Variants in SETD1A observed in about 807,000 individuals in gnomAD.
SETD1A encodes histone-lysine N-methyltransferase SETD1A.
SETD1A carries 29 observed loss-of-function variants against 149.9 expected under a neutral mutation model. The ratio of observed to expected loss-of-function variants is 0.19; its 90% CI spans 0.14 to 0.26. The LOEUF is 0.26. SETD1A is among the 10% of genes least tolerant of loss of function. The pLI, the probability that SETD1A is intolerant of heterozygous loss-of-function variation, is 1.00. For synonymous variants in SETD1A, 1,141 were observed against 968.5 expected, an observed-to-expected ratio of 1.18 and a Z score of -3.31; for missense variants, 2,109 against 2,353.1, an observed-to-expected ratio of 0.90 and a Z score of 2.15.
intron 9 of SETD1A, 46 bp downstream of exon 9, chr16:30,967,106 G>C: frequency 6.9e-7 from 1 of 1,450,570 alleles, no homozygotes. Flanking sequence ...GAGAGGGAGA[G>C]GGGGCCCCCT....
In SETD1A at chr16:30,964,143, G is replaced by A; in HGVS notation, c.689G>A (p.Gly230Asp). The A allele has an allele frequency of 6.2e-7, 1 of 1,614,046 alleles. No individual in the cohort carries two copies. Among genetic ancestry groups the A allele is most frequent in the Admixed American group, 1.7e-5 (1 of 60,024 alleles). ...TCTGACACAGCTGCCTACCCAGCAG[G>A]CACCACTGCGGTGGGCACTCCTGGC... ...SSSDTAAYPA[G>D]TTAVGTPGNG... The change falls in exon 6 of 19, where the codon GGC (glycine) becomes GAC (aspartate). Residue 230 changes from glycine to aspartate, a missense_variant. This residue lies in a region of SETD1A where 410 missense variants were observed against 394.8 expected (regional missense o/e 1.04). Coordinates refer to ENST00000262519, the MANE Select transcript of SETD1A (RefSeq NM_014712.3).
rs1344149710 is a variant in SETD1A, at chr16:30,969,601, GGAT to G, written c.2931_2933del (p.Asp977del). 1.2e-6 allele frequency: 2 copies of G among 1,613,966 alleles called. No homozygotes were observed. The highest frequency in any genetic ancestry group is 1.7e-5 in the Admixed American group (1 of 60,020). ...AGTCCTCATTTGTCTTTTTTCTTAA[GGAT>G]GAGGAGGATGACGAGGAAGATGAGG... On this transcript the variant is annotated inframe_deletion and splice_region_variant, in exon 12 of 19. Transcript: ENST00000262519.
At chr16:30,970,916 A>C (rs1272051416) in intron 12 of SETD1A, among the ~76,000 whole-genome samples, 1 of 152,198 alleles carries the variant, frequency 6.6e-6, no homozygotes, top group African/African-American at 2.4e-5. Flanking sequence ...GAGCAGTCTC[A>C]GAATATAGAG....
At chr16:30,962,373 A>G (rs1391446011) in intron 4 of SETD1A, among the ~76,000 whole-genome samples, 1 of 152,048 alleles carries the variant, frequency 6.6e-6, no homozygotes. Flanking sequence ...CCTCTTTTTA[A>G]TCTTTCTATA....
At chr16:30,967,137 A>G in intron 9 of SETD1A, 77 bp downstream of exon 9, 1 of 1,078,240 alleles carries the variant, frequency 9.3e-7, no homozygotes, top group South Asian at 1.6e-5. Flanking sequence ...AGGGGTGGTC[A>G]GGAACCATGA....
intron 8 of SETD1A, 37 bp from the exon 9 acceptor site, chr16:30,966,847 T>A: frequency 6.6e-7 from 1 of 1,515,530 alleles, no homozygotes; most frequent in Non-Finnish European, 8.9e-7. Flanking sequence ...ATGCCTGGGT[T>A]CTGGGCGCTG....
chr16:30,984,341 G>A lies in SETD1A; in HGVS notation c.*318G>A, dbSNP rs2056425847. 5.9e-6 allele frequency: 2 copies of A among 337,542 alleles called. No individual in the cohort carries two copies. Among genetic ancestry groups the A allele is most frequent in the Non-Finnish European group, 1.1e-5 (2 of 182,436 alleles). 20.9% of individuals were successfully genotyped at this position (337,542 alleles called of 1,614,324 possible). Reference sequence around the variant, plus strand: ...AGATTCTGTCCTGGGGGGCTACACAGTCCTCTTGCTTTGTGTTAATGGGGA... The same window carrying A: ...AGATTCTGTCCTGGGGGGCTACACAATCCTCTTGCTTTGTGTTAATGGGGA... On this transcript the variant is annotated 3_prime_UTR_variant, in exon 19 of 19. Coordinates refer to ENST00000262519, the MANE Select transcript of SETD1A (RefSeq NM_014712.3).
chr16:30,961,249 C>T lies in SETD1A; in HGVS notation c.247-18C>T, dbSNP rs2056048349. The T allele has an allele frequency of 1.2e-6, 2 of 1,613,764 alleles. No individual in the cohort carries two copies. Among genetic ancestry groups the T allele is most frequent in the African/African-American group, 2.7e-5 (2 of 75,018 alleles). On this transcript the variant is annotated intron_variant, in intron 3 of 18. Transcript: ENST00000262519. This position sits in a 1 kb window ranked among gnomAD's most constrained non-coding sequence, Gnocchi z 4.0. ...GGTCAGTGTTGAGACCCCATACCAA[C>T]TCCTGTTCTTTCCCCAGCTGGACGA...
At position 30,965,355 on chromosome 16, in the gene SETD1A, C is replaced by G; in HGVS notation, c.1613C>G (p.Pro538Arg). Residue 538 changes from proline (P) to arginine (R), a missense_variant, in exon 7 of 19, where the codon CCC becomes CGC. Transcript: ENST00000262519. Reference protein sequence around the residue: ...SEVPSGSGHGPCTPPPAPANF... With the variant: ...SEVPSGSGHGRCTPPPAPANF... ...GTGCCTTCTGGGTCAGGGCATGGGC[C>G]CTGCACACCCCCTCCGGCCCCAGCT... is the stretch of plus-strand genomic sequence containing the variant. 1 of 1,613,090 alleles carries G rather than the reference C, an allele frequency of 6.2e-7. No homozygotes were observed. Among genetic ancestry groups the G allele is most frequent in the Non-Finnish European group, 8.5e-7 (1 of 1,179,182 alleles).
At chr16:30,959,603 T>C (rs2056019538) in intron 3 of SETD1A, among the ~76,000 whole-genome samples, 1 of 152,192 alleles carries the variant, frequency 6.6e-6, no homozygotes, top group Non-Finnish European at 1.5e-5. Context: ...TCTTGTTTCC[T>C]TCGAGGACTC....
In SETD1A at chr16:30,979,775, C is replaced by T. The variant is rs1367695849; in HGVS notation, c.3989C>T (p.Ser1330Phe). ...PVPAPAALFS[S>F]PADEVLEAPE... ...CCCGCACCCGCCGCCCTCTTCAGTT[C>T]CCCAGCTGATGAGGTCCTGGAGGCC... The change falls in exon 14 of 19, where the codon TCC becomes TTC. Residue 1330 changes from serine (S) to phenylalanine (F), a missense_variant. Physicochemically the swap from Ser to Phe is radical, Grantham distance 155 (BLOSUM62 -2). This residue lies in a region of SETD1A where 832 missense variants were observed against 815.6 expected (regional missense o/e 1.02). Coordinates refer to ENST00000262519, the MANE Select transcript of SETD1A (RefSeq NM_014712.3). The T allele has an allele frequency of 6.3e-7, 1 of 1,591,796 alleles. No homozygotes were observed. Among genetic ancestry groups the T allele is most frequent in the Non-Finnish European group, 8.5e-7 (1 of 1,175,922 alleles).
Position 30,964,997 on chromosome 16 carries a change from C to A in SETD1A, c.1255C>A (p.Arg419=), listed in dbSNP as rs745635666. 1 of 1,613,824 alleles carries A rather than the reference C, an allele frequency of 6.2e-7. No homozygotes were observed. The highest frequency in any genetic ancestry group is 1.3e-5 in the African/African-American group (1 of 75,042). Residue 419 remains arginine, a synonymous_variant, in exon 7 of 19, where the codon CGG becomes AGG. Coordinates refer to ENST00000262519, the MANE Select transcript of SETD1A (RefSeq NM_014712.3). ...YTSYLPPEPS[R]PTDQDYRPPA... ...CTCCTACCTGCCCCCCGAGCCCAGC[C>A]GGCCCACCGACCAGGACTACCGGCC...
At chr16:30,967,307 C>G (rs1452076900) in intron 9 of SETD1A, among the ~76,000 whole-genome samples, 194 bp from the exon 10 acceptor site, 1 of 152,176 alleles carries the variant, frequency 6.6e-6, no homozygotes, top group Non-Finnish European at 1.5e-5. Context: ...GCACCCGCCA[C>G]CACGCCTGGC....
chr16:30,983,817 G>A lies in SETD1A; in HGVS notation c.4951-33G>A, dbSNP rs1278686613. 5.6e-6 allele frequency: 9 copies of A among 1,611,318 alleles called. No homozygotes were observed. The South Asian group carries it at 8.8e-5, about 16-fold the overall frequency. ...GGGCAGGAGTTGGGGGTCGGTGGGGGTGGCCACGGCTCACACGCCCTTCCA... is the reference window on the plus strand; with the variant it reads ...GGGCAGGAGTTGGGGGTCGGTGGGGATGGCCACGGCTCACACGCCCTTCCA... On this transcript the variant is annotated intron_variant, in intron 18 of 18. Transcript: ENST00000262519. This position sits in a 1 kb window ranked among gnomAD's most constrained non-coding sequence, Gnocchi z 6.8.
At chr16:30,968,598 C>T (rs950586088) in intron 10 of SETD1A, among the ~76,000 whole-genome samples, 2 of 151,686 alleles carry the variant, frequency 1.3e-5, no homozygotes, top group African/African-American at 2.4e-5. Flanking sequence ...GTCAAGAGAT[C>T]GAGACCATCC....
chr16:30,969,237 C>T (rs1442507796), intron 10 of SETD1A, 68 bp from the exon 11 acceptor site: 4 of 1,467,162 alleles, frequency 2.7e-6, no homozygotes, highest in Admixed American at 2.1e-5. Context: ...ATATGTAAAG[C>T]CCCTTGCACA....
intron 3 of SETD1A, among the ~76,000 whole-genome samples, chr16:30,960,106 A>G (rs1300685268): frequency 2.0e-5 from 3 of 151,270 alleles, no homozygotes; most frequent in Non-Finnish European, 1.5e-5. Flanking sequence ...TCATCTTTCT[A>G]TTCTCATTGC....
intron 12 of SETD1A, among the ~76,000 whole-genome samples, chr16:30,970,562 G>A (rs1596682342): frequency 1.3e-5 from 2 of 152,096 alleles, no homozygotes; most frequent in African/African-American, 2.4e-5. Context: ...GCCACTGCAC[G>A]CAGCCTCTTG....
Position 30,969,616 on chromosome 16 carries a change from CGAGGAAGAT to C in SETD1A, c.2955_2963del (p.Glu986_Glu988del), listed in dbSNP as rs777776205. 3.3e-5 allele frequency: 54 copies of C among 1,613,758 alleles called. No individual in the cohort carries two copies. In the South Asian group the frequency reaches 4.7e-4, roughly 14 times the overall value. On this transcript the variant is annotated inframe_deletion, in exon 12 of 19. Transcript: ENST00000262519. ...TTTTTCTTAAGGATGAGGAGGATGA[CGAGGAAGAT>C]GAGGAAGATGAAGATCGAGAGGAAG...
Sources: gnomAD v4.1 joint callset for allele counts (sites outside exome capture counted in the v4.1 genomes callset) on GRCh38, gnomAD v4.1.1 for gene constraint, gnomAD v4.1.1 regional missense constraint, Gnocchi (gnomAD v3.1) non-coding constraint, MANE v1.5 for transcripts, NCBI Gene and HGNC (gene_info 2026-07-23, HGNC 2026-07-21) for gene names.